The following APOBEC3F variants were observed in gnomAD, a reference collection of about 807,000 sequenced individuals.
The protein encoded by APOBEC3F is DNA dC->dU-editing enzyme APOBEC-3F.
APOBEC3F carries 34 observed loss-of-function variants against 45.8 expected under a neutral mutation model. The observed-to-expected ratio is 0.74, with a 90% CI of 0.57 to 0.99. The LOEUF (loss-of-function observed/expected upper bound fraction) is 0.99, where lower values mean the gene tolerates loss of function less well. Ranked by LOEUF, APOBEC3F falls within the 50% of genes least tolerant of loss-of-function variation. APOBEC3F has a pLI of 0.00. For missense variants in APOBEC3F, 459 were observed against 474.1 expected (o/e 0.97, Z 0.30); for synonymous variants, 192 against 174.4 (o/e 1.10, Z -0.80).
intron 4 of APOBEC3F, among the ~76,000 whole-genome samples, chr22:39,047,669 T>C (rs1449090394): frequency 2.6e-5 from 4 of 151,462 alleles, no homozygotes; most frequent in Non-Finnish European, 5.9e-5. Flanking sequence ...CTCTTTGCCC[T>C]GCTATGTGGT....
rs544048735 is a variant in APOBEC3F, at chr22:39,055,816, C to T, written c.*3121C>T. ...ACTGATGCATGTAGCCCCCCAGTCA[C>T]GTAGCCCACGCTTGCACAATCTATC... On this transcript the variant is annotated 3_prime_UTR_variant, in exon 7 of 7. Transcript: ENST00000308521. Among the ~76,000 whole-genome samples, 42 of 152,246 alleles carry T rather than the reference C, an allele frequency of 2.8e-4. No homozygotes were observed. The highest frequency in any genetic ancestry group is 4.3e-4 in the African/African-American group (18 of 41,540).
In APOBEC3F at chr22:39,043,305, T is replaced by G. The variant is rs992063253; in HGVS notation, c.171+215T>G. On this transcript the variant is annotated intron_variant, in intron 2 of 6. Transcript: ENST00000308521. ...TTGCACAAAAGGCCTTGTGTTTTTT[T>G]TTTTTTTTTTTTGAGACAGAGTTTC... Among the ~76,000 whole-genome samples the G allele has an allele frequency of 8.0e-5, 12 of 150,692 alleles. 1 individual carries two copies. Among genetic ancestry groups the G allele is most frequent in the South Asian group, 2.1e-4 (1 of 4,754 alleles).
intron 4 of APOBEC3F, among the ~76,000 whole-genome samples, chr22:39,048,221 G>A (rs1309011435): frequency 6.6e-6 from 1 of 152,218 alleles, no homozygotes; most frequent in African/African-American, 2.4e-5. Context: ...GACAGGGCTG[G>A]CCCGGAAAGG....
At chr22:39,042,375 G>A (rs1421288914) in intron 1 of APOBEC3F, among the ~76,000 whole-genome samples, 2 of 147,048 alleles carry the variant, frequency 1.4e-5, no homozygotes, top group African/African-American at 5.1e-5. Flanking sequence ...GCAGTGGCAC[G>A]ATCTCGGCTC....
intron 4 of APOBEC3F, 97 bp from the exon 5 acceptor site, chr22:39,049,328 C>G: frequency 7.2e-7 from 1 of 1,387,962 alleles, no homozygotes; most frequent in Non-Finnish European, 9.9e-7. Flanking sequence ...AAGCAGCAGA[C>G]ATTCCCAGGG....
chr22:39,051,517 A>T (rs185907277), intron 5 of APOBEC3F, among the ~76,000 whole-genome samples: 41 of 149,088 alleles, frequency 2.8e-4, no homozygotes, highest in Non-Finnish European at 4.9e-4. Context: ...AGCATGGGTG[A>T]CAGAGCGAGA....
At position 39,052,988 on chromosome 22, in the gene APOBEC3F, A is replaced by T. The variant is rs5757453; in HGVS notation, c.*293A>T. The T allele has an allele frequency of 0.46, 97,825 of 214,966 alleles. 22,582 individuals are homozygous for T. Among genetic ancestry groups the T allele is most frequent in the East Asian group, 0.65 (5,329 of 8,182 alleles). The allele number at this position is 214,966 out of a possible 1,614,324, so 13.3% of individuals were successfully genotyped here. On this transcript the variant is annotated 3_prime_UTR_variant, in exon 7 of 7. Transcript: ENST00000308521. ...TCCCATCTCCCCAGCATAACCTAATATTTTTTTTTTTTTTTTGAGACGGAA... is the reference window on the plus strand; with the variant it reads ...TCCCATCTCCCCAGCATAACCTAATTTTTTTTTTTTTTTTTTGAGACGGAA...
rs1927515922 is a variant in APOBEC3F, at chr22:39,052,076, G to T, written c.726G>T (p.Val242=). 6.2e-7 allele frequency: 1 copy of T among 1,610,940 alleles called. No homozygotes were observed. Among genetic ancestry groups the T allele is most frequent in the African/African-American group, 1.3e-5 (1 of 74,834 alleles). The change falls in exon 6 of 7, where the codon GTG becomes GTT. Residue 242 remains valine (V), a splice_region_variant and synonymous_variant. Transcript: ENST00000308521. ...SWKRGVFRNQ[V]DPETHCHAER... ...CCCTCCTCCTCCTCCTTCCCCAGGT[G>T]GATCCTGAGACCCATTGTCATGCAG...
intron 6 of APOBEC3F, 32 bp from the exon 7 acceptor site, chr22:39,052,545 G>A: frequency 3.1e-6 from 5 of 1,598,500 alleles, no homozygotes; most frequent in Non-Finnish European, 4.3e-6. Flanking sequence ...AGCCTGCTGG[G>A]CCCTCACTGC....
At position 39,052,244 on chromosome 22, in the gene APOBEC3F, T is replaced by A. The variant is rs750934381; in HGVS notation, c.894T>A (p.Asn298Lys). ...AEFLARHSNV[N>K]LTIFTARLYY... is the part of the protein sequence containing the mutation. ...TCCTGGCCAGGCACAGCAACGTGAA[T>A]CTCACCATCTTCACCGCCCGCCTCT... The change falls in exon 6 of 7, where the codon AAT becomes AAA. Residue 298 changes from asparagine to lysine, a missense_variant. By Grantham distance (94) the Asn-to-Lys change is moderately conservative. Coordinates refer to ENST00000308521, the MANE Select transcript of APOBEC3F (RefSeq NM_145298.6). The A allele has an allele frequency of 3.1e-6, 5 of 1,614,110 alleles. No homozygotes were observed. Among genetic ancestry groups the A allele is most frequent in the Non-Finnish European group, 4.2e-6 (5 of 1,180,024 alleles).
rs1316289802 is a variant in APOBEC3F, at chr22:39,054,130, A to G, written c.*1435A>G. Among the ~76,000 whole-genome samples, 1 of 151,828 alleles carries G rather than the reference A, an allele frequency of 6.6e-6. No homozygotes were observed. Among genetic ancestry groups the G allele is most frequent in the African/African-American group, 2.4e-5 (1 of 41,272 alleles). ...CTTGTTCAAGTGATTCTCCTGTCTC[A>G]GCCTCCCGAGTAGCTGGGATTACAG... On this transcript the variant is annotated 3_prime_UTR_variant, in exon 7 of 7. Coordinates refer to ENST00000308521, the MANE Select transcript of APOBEC3F (RefSeq NM_145298.6).
At chr22:39,048,184 C>G (rs5757447) in intron 4 of APOBEC3F, among the ~76,000 whole-genome samples, 135,428 of 152,256 alleles carry the variant, frequency 0.89, 60,553 homozygotes, top group African/African-American at 0.97. Context: ...ACAGCTCCCT[C>G]CTGCAGGGCC....
At chr22:39,047,686 T>G (rs34997051) in intron 4 of APOBEC3F, among the ~76,000 whole-genome samples, 2 of 151,434 alleles carry the variant, frequency 1.3e-5, no homozygotes, top group Admixed American at 6.6e-5. Flanking sequence ...TGGTCGCCCC[T>G]TTACAGCTTC....
At chr22:39,046,578 G>A (rs1262170451) in intron 4 of APOBEC3F, among the ~76,000 whole-genome samples, 2 of 151,652 alleles carry the variant, frequency 1.3e-5, no homozygotes, top group African/African-American at 2.4e-5. Flanking sequence ...TGCAGAAAGA[G>A]CCAAACAAAC....
In APOBEC3F at chr22:39,042,956, T is replaced by C; in HGVS notation, c.37T>C (p.Tyr13His). Residue 13 changes from tyrosine (Y) to histidine (H), a missense_variant, in exon 2 of 7, where the codon TAT becomes CAT. Transcript: ENST00000308521. ...CTTCAGAAACACAGTGGAGCGAATG[T>C]ATCGAGACACATTCTCCTACAACTT... ...PHFRNTVERM[Y>H]RDTFSYNFYN... is the part of the protein sequence containing the mutation. 6.2e-7 allele frequency: 1 copy of C among 1,614,048 alleles called. No homozygotes were observed. Among genetic ancestry groups the C allele is most frequent in the Non-Finnish European group, 8.5e-7 (1 of 1,179,962 alleles).
chr22:39,044,445 A>C (rs572397229), intron 2 of APOBEC3F: 49 of 1,291,892 alleles, frequency 3.8e-5, no homozygotes, highest in Non-Finnish European at 4.7e-5. Context: ...TGGGAAGTCC[A>C]CTGTCAATGC....
rs34824408 is a variant in APOBEC3F, at chr22:39,045,378, G to C, written c.452-50G>C. On this transcript the variant is annotated intron_variant, in intron 3 of 6. Transcript: ENST00000308521. Reference sequence around the variant, plus strand: ...GCCAGGAGACCAGGCCTGGGAGCGCGGGCCCAGGGTCAGGGCAGAGCCTGA... The same window carrying C: ...GCCAGGAGACCAGGCCTGGGAGCGCCGGCCCAGGGTCAGGGCAGAGCCTGA... 1,249 of 1,613,388 alleles carry C rather than the reference G, an allele frequency of 7.7e-4. 10 individuals are homozygous for C. The African/African-American group carries it at 0.013, about 16-fold the overall frequency.
intron 5 of APOBEC3F, 124 bp from the exon 6 acceptor site, chr22:39,051,946 CCTGT>C: frequency 7.2e-7 from 1 of 1,389,342 alleles, no homozygotes; most frequent in Non-Finnish European, 9.9e-7. Context: ...CAGGAGAGAC[CCTGT>C]CTCAAAAATA....
At chr22:39,049,351 T>A (rs375133255) in intron 4 of APOBEC3F, 74 bp from the exon 5 acceptor site, 1 of 1,516,708 alleles carries the variant, frequency 6.6e-7, no homozygotes, top group Non-Finnish European at 9.0e-7. Flanking sequence ...GTCCAGTGAG[T>A]GGTGTTCAGT....
Sources: allele counts gnomAD v4.1 joint callset (sites outside exome capture counted in the v4.1 genomes callset), GRCh38; gene constraint gnomAD v4.1.1; transcripts MANE v1.5; gene names NCBI Gene and HGNC (gene_info 2026-07-23, HGNC 2026-07-21).